KCNQ5: variants seen among roughly 807,000 people sequenced by gnomAD.
KCNQ5 encodes potassium voltage-gated channel subfamily Q member 5.
KCNQ5 carries 30 observed loss-of-function variants against 98.2 expected under a neutral mutation model. The ratio of observed to expected loss-of-function variants is 0.31; its 90% confidence interval spans 0.23 to 0.41. The LOEUF is 0.41. KCNQ5 is among the 10% of genes least tolerant of loss of function. KCNQ5 has a pLI of 1.00. For synonymous variants in KCNQ5, 458 were observed against 449.4 expected, an observed-to-expected ratio of 1.02 and a Z score of -0.24; for missense variants, 835 against 1,182.5, an observed-to-expected ratio of 0.71 and a Z score of 4.31.
At chr6:72,820,860 T>C (rs1388721992) in intron 1 of KCNQ5, among the ~76,000 whole-genome samples, 1 of 152,218 alleles carries the variant, frequency 6.6e-6, no homozygotes, top group Non-Finnish European at 1.5e-5. Context: ...TTATAAGAGT[T>C]GTCATTTTCC....
At chr6:72,829,494 G>A (rs1213820499) in intron 1 of KCNQ5, among the ~76,000 whole-genome samples, 2 of 151,746 alleles carry the variant, frequency 1.3e-5, no homozygotes, top group Non-Finnish European at 2.9e-5. Context: ...TGGTATTAAA[G>A]GTCTCTCTCT....
At position 72,915,309 on chromosome 6, in the gene KCNQ5, T is replaced by C. The variant is rs1351970399; in HGVS notation, c.399-88599T>C. 1.1e-4 allele frequency among the ~76,000 whole-genome samples: 17 copies of C among 152,172 alleles called. 1 individual carries two copies. The highest frequency in any genetic ancestry group is 1.0e-3 in the Admixed American group (16 of 15,272). On this transcript the variant is annotated intron_variant, in intron 1 of 13. Coordinates refer to ENST00000370398, the MANE Select transcript of KCNQ5 (RefSeq NM_019842.4). ...TTATAAGGGATGTCTATTCTAATTA[T>C]AAAGGGTATATAGCTTGACTGCTTA...
intron 1 of KCNQ5, among the ~76,000 whole-genome samples, chr6:72,963,615 C>A (rs1421919751): frequency 6.6e-6 from 1 of 151,706 alleles, no homozygotes; most frequent in Non-Finnish European, 1.5e-5. Context: ...AGTTGGAAAC[C>A]TTCATTTAGA....
At chr6:72,907,968 G>A (rs1779770966) in intron 1 of KCNQ5, among the ~76,000 whole-genome samples, 1 of 151,948 alleles carries the variant, frequency 6.6e-6, no homozygotes, top group Non-Finnish European at 1.5e-5. Flanking sequence ...TGACATCAGT[G>A]GAGATACAGG....
At chr6:73,088,925 G>T (rs979547483) in intron 5 of KCNQ5, among the ~76,000 whole-genome samples, 1 of 151,940 alleles carries the variant, frequency 6.6e-6, no homozygotes, top group Middle Eastern at 3.2e-3. Flanking sequence ...ACTGGTCTCT[G>T]CACCTCTCAT....
intron 1 of KCNQ5, among the ~76,000 whole-genome samples, chr6:72,891,590 G>A (rs1016666988): frequency 3.3e-5 from 5 of 152,060 alleles, no homozygotes; most frequent in Non-Finnish European, 1.5e-5. Flanking sequence ...CCCCAAAATG[G>A]TTACATAATC....
Position 73,051,059 on chromosome 6 carries a change from A to G in KCNQ5, c.616+8997A>G, listed in dbSNP as rs540338338. On this transcript the variant is annotated intron_variant, in intron 3 of 13. Transcript: ENST00000370398. The stretch of plus-strand genomic sequence containing the variant: ...TGTACATTCATGTGTAGGTTTGTGT[A>G]TGAACGTAAGTTTTTATTTCTCTAG... Among the ~76,000 whole-genome samples the G allele has an allele frequency of 4.9e-4, 74 of 152,334 alleles. 1 individual carries two copies. Among genetic ancestry groups the G allele is most frequent in the South Asian group, 2.3e-3 (11 of 4,830 alleles).
chr6:73,136,250 C>T (rs1186469787), intron 10 of KCNQ5: 2 of 152,266 alleles, frequency 1.3e-5, no homozygotes, highest in African/African-American at 4.8e-5. Flanking sequence ...AGTGTAAGGT[C>T]CTTACTGTTG....
At chr6:72,726,184 T>A (rs1287909435) in intron 1 of KCNQ5, among the ~76,000 whole-genome samples, 2 of 151,036 alleles carry the variant, frequency 1.3e-5, no homozygotes, top group East Asian at 3.9e-4. Flanking sequence ...AAAGTATAGA[T>A]AAAAATCTGT....
At chr6:72,934,291 T>C (rs1245899563) in intron 1 of KCNQ5, among the ~76,000 whole-genome samples, 1 of 152,126 alleles carries the variant, frequency 6.6e-6, no homozygotes, top group East Asian at 1.9e-4. Flanking sequence ...ATGATGATGG[T>C]GATGATGACT....
intron 1 of KCNQ5, among the ~76,000 whole-genome samples, chr6:72,722,849 CTTTT>C (rs539617196): frequency 7.9e-6 from 1 of 126,340 alleles, no homozygotes; most frequent in Non-Finnish European, 1.6e-5. Flanking sequence ...GTTTGGTTGA[CTTTT>C]TTTTTTTTTT....
chr6:72,875,466 G>A (rs1393164529), intron 1 of KCNQ5, among the ~76,000 whole-genome samples: 1 of 152,102 alleles, frequency 6.6e-6, no homozygotes, highest in Non-Finnish European at 1.5e-5. Flanking sequence ...TTCATCACCA[G>A]TTACCAGTTT....
chr6:72,949,985 T>C (rs1461213699), intron 1 of KCNQ5, among the ~76,000 whole-genome samples: 1 of 152,174 alleles, frequency 6.6e-6, no homozygotes, highest in Admixed American at 6.5e-5. Flanking sequence ...TACAATCTTT[T>C]TATTCAAAAC....
chr6:72,933,844 T>C (rs1482542043), intron 1 of KCNQ5, among the ~76,000 whole-genome samples: 1 of 152,222 alleles, frequency 6.6e-6, no homozygotes, highest in African/African-American at 2.4e-5. Flanking sequence ...ATCATTACTA[T>C]GAGCCGATAA....
intron 1 of KCNQ5, among the ~76,000 whole-genome samples, chr6:72,788,610 T>C (rs1773876018): frequency 6.6e-6 from 1 of 152,248 alleles, no homozygotes; most frequent in Non-Finnish European, 1.5e-5. Context: ...GGTAAAAATA[T>C]TTTATTGTTT....
chr6:73,081,830 T>A (rs1029395790), intron 5 of KCNQ5, among the ~76,000 whole-genome samples: 1 of 150,586 alleles, frequency 6.6e-6, no homozygotes, highest in East Asian at 1.9e-4. Context: ...CCATCTCATT[T>A]AAAAAAAAAA....
chr6:73,192,472 T>C (rs1354660793), intron 12 of KCNQ5, 93 bp from the exon 13 acceptor site: 4 of 1,096,678 alleles, frequency 3.6e-6, no homozygotes, highest in Non-Finnish European at 5.0e-6. Flanking sequence ...TGAAGATAAC[T>C]GTATTTAATT....
intron 5 of KCNQ5, among the ~76,000 whole-genome samples, chr6:73,079,056 C>CT (rs1466287227): frequency 6.6e-6 from 1 of 152,144 alleles, no homozygotes; most frequent in Non-Finnish European, 1.5e-5. Context: ...AATCCAAGCA[C>CT]TTTGGGAGGC....
intron 1 of KCNQ5, among the ~76,000 whole-genome samples, chr6:72,847,251 G>A (rs1200461872): frequency 3.3e-5 from 5 of 152,008 alleles, no homozygotes; most frequent in South Asian, 2.1e-4. Flanking sequence ...TGCAATCTCC[G>A]CCTTGTGGGT....
Sources: allele counts gnomAD v4.1 joint callset (sites outside exome capture counted in the v4.1 genomes callset), GRCh38; gene constraint gnomAD v4.1.1; transcripts MANE v1.5; gene names NCBI Gene and HGNC (gene_info 2026-07-23, HGNC 2026-07-21).